SYTL5: variants seen among roughly 807,000 people sequenced by gnomAD.
SYTL5 encodes synaptotagmin like 5, also known as synaptotagmin-like protein 5.
SYTL5 carries 34 observed loss-of-function variants against 55.9 expected under a neutral mutation model. The ratio of observed to expected loss-of-function variants is 0.61; its 90% CI spans 0.46 to 0.81. The LOEUF (loss-of-function observed/expected upper bound fraction) is 0.81, where lower values mean the gene tolerates loss of function less well. Among genes scored for constraint, SYTL5 ranks in the 30% least tolerant of loss-of-function variants. SYTL5 has a pLI of 0.00. For missense variants in SYTL5, 637 were observed against 546.7 expected (o/e 1.17, Z -1.65); for synonymous variants, 221 against 188.7 (o/e 1.17, Z -1.40).
At chrX:37,934,272 T>C in the SYTL5 span, among the ~76,000 whole-genome samples, 6 of 110,294 alleles carry the variant, frequency 5.4e-5, no homozygotes, top group Non-Finnish European at 1.1e-4. Flanking sequence ...AGCTATTTTA[T>C]AAAGAGCTGA....
Position 38,110,374 on chromosome X carries a change from G to A in SYTL5, c.1488G>A (p.Trp496Ter). The change falls in exon 13 of 17, where the codon TGG becomes TGA. Residue 496 changes from tryptophan (W) to a stop codon, truncating the protein, a stop_gained. Transcript: ENST00000297875. LOFTEE classifies it high-confidence loss of function. The part of the protein sequence containing the change: ...LETRTLQLSV[W>*]HYDRFGRNSF... ...CAAGAACTCTGCAGCTCTCAGTCTG[G>A]CACTATGATCGATTTGGACGTAATA... 8.3e-7 allele frequency: 1 copy of A among 1,208,654 alleles called. No individual in the cohort carries two copies. Among genetic ancestry groups the A allele is most frequent in the East Asian group, 3.0e-5 (1 of 33,770 alleles).
chrX:38,021,161 G>A (rs147402980), intron 1 of SYTL5, among the ~76,000 whole-genome samples: 1,123 of 111,634 alleles, frequency 0.01, 22 homozygotes, highest in Admixed American at 0.072. Flanking sequence ...GAATGTATAT[G>A]TATATTTTTG....
chrX:37,923,901 G>T, the SYTL5 span, among the ~76,000 whole-genome samples: 1 of 111,359 alleles, frequency 9.0e-6, no homozygotes, highest in African/African-American at 3.3e-5. Flanking sequence ...GTTATTTGAG[G>T]AAAGACTTAA....
At chrX:37,893,246 A>G in the SYTL5 span, among the ~76,000 whole-genome samples, 2 of 80,162 alleles carry the variant, frequency 2.5e-5, no homozygotes, top group African/African-American at 7.4e-5. Context: ...TATACTATAT[A>G]TGTATATATA....
chrX:37,926,324 T>G, the SYTL5 span, among the ~76,000 whole-genome samples: 77 of 111,319 alleles, frequency 6.9e-4, no homozygotes, highest in Non-Finnish European at 1.0e-3. Flanking sequence ...AATACGATTG[T>G]TTTTTGATAT....
the SYTL5 span, among the ~76,000 whole-genome samples, chrX:37,897,971 A>G: frequency 9.0e-6 from 1 of 111,347 alleles, no homozygotes; most frequent in Non-Finnish European, 1.9e-5. Context: ...GGAGGTGGGT[A>G]CCCGTAATCT....
At chrX:38,043,228 T>C (rs886717754) in intron 2 of SYTL5, among the ~76,000 whole-genome samples, 8 of 111,141 alleles carry the variant, frequency 7.2e-5, no homozygotes, top group African/African-American at 2.6e-4. Context: ...ATTTAATATC[T>C]TCTGATACAT....
chrX:37,996,680 G>A, the SYTL5 span, among the ~76,000 whole-genome samples: 2 of 112,249 alleles, frequency 1.8e-5, no homozygotes, highest in Admixed American at 1.9e-4. Flanking sequence ...TTTACCGCAA[G>A]GCCTGGTTAT....
intron 3 of SYTL5, among the ~76,000 whole-genome samples, chrX:38,066,319 A>G (rs1387104183): frequency 9.0e-6 from 1 of 111,582 alleles, no homozygotes; most frequent in Non-Finnish European, 1.9e-5. Flanking sequence ...AAAACTATAG[A>G]TAATTTAATT....
At chrX:38,017,829 T>C (rs1468615040) in intron 1 of SYTL5, among the ~76,000 whole-genome samples, 1 of 109,511 alleles carries the variant, frequency 9.1e-6, no homozygotes, top group Non-Finnish European at 1.9e-5. Flanking sequence ...ACATAAGTGA[T>C]TTACTTCTTC....
the SYTL5 span, among the ~76,000 whole-genome samples, chrX:37,929,808 T>A: frequency 8.9e-6 from 1 of 112,271 alleles, no homozygotes; most frequent in East Asian, 2.8e-4. Context: ...TAGATGACTT[T>A]AGGGTTATGA....
At chrX:37,928,105 C>T in the SYTL5 span, among the ~76,000 whole-genome samples, 3 of 112,238 alleles carry the variant, frequency 2.7e-5, no homozygotes, top group African/African-American at 9.7e-5. Flanking sequence ...GAAGGCATTA[C>T]ATATATACCT....
chrX:37,908,051 A>C, the SYTL5 span, among the ~76,000 whole-genome samples: 3 of 109,103 alleles, frequency 2.7e-5, no homozygotes, highest in East Asian at 8.6e-4. Context: ...CAGGATTTTA[A>C]AGCTGCAGTG....
At chrX:37,943,603 C>T in the SYTL5 span, among the ~76,000 whole-genome samples, 4 of 111,339 alleles carry the variant, frequency 3.6e-5, no homozygotes, top group Non-Finnish European at 7.5e-5. Context: ...TTTGATTATA[C>T]AAAGTGTGGG....
At chrX:38,064,516 A>C (rs1314229337) in intron 3 of SYTL5, among the ~76,000 whole-genome samples, 1 of 111,191 alleles carries the variant, frequency 9.0e-6, no homozygotes, top group Non-Finnish European at 1.9e-5. Context: ...TGTATTGCAC[A>C]ATTTTATTTT....
At chrX:38,025,621 A>C (rs1934740689) in intron 1 of SYTL5, among the ~76,000 whole-genome samples, 1 of 112,467 alleles carries the variant, frequency 8.9e-6, no homozygotes, top group African/African-American at 3.2e-5. Flanking sequence ...ATTTAAAGAG[A>C]GAGATCTGTT....
intron 1 of SYTL5, among the ~76,000 whole-genome samples, chrX:38,023,561 A>G (rs1934639398): frequency 9.0e-6 from 1 of 111,672 alleles, no homozygotes; most frequent in Non-Finnish European, 1.9e-5. Context: ...TTTTAAAAGC[A>G]TTTGCATTAA....
chrX:38,102,575 G>T lies in SYTL5; in HGVS notation c.1155+141G>T, dbSNP rs769363498. 1.3e-4 allele frequency: 60 copies of T among 459,288 alleles called. No individual in the cohort carries two copies. In the African/African-American group the frequency reaches 1.3e-3, roughly 10 times the overall value. 37.9% of individuals were successfully genotyped at this position (459,288 alleles called of 1,213,427 possible). On this transcript the variant is annotated intron_variant, in intron 10 of 16. Coordinates refer to ENST00000297875, the MANE Select transcript of SYTL5 (RefSeq NM_138780.3). Reference sequence around the variant, plus strand: ...CATTGTAAGATCCTGCTTGCCCTTTGCCCACAGAGTACATTTCAGTCTAAT... The same window carrying T: ...CATTGTAAGATCCTGCTTGCCCTTTTCCCACAGAGTACATTTCAGTCTAAT...
At chrX:37,938,455 C>T in the SYTL5 span, among the ~76,000 whole-genome samples, 3 of 112,305 alleles carry the variant, frequency 2.7e-5, no homozygotes, top group Admixed American at 2.8e-4. Flanking sequence ...TTTCTTTATA[C>T]TATATCTCCT....
Sources: allele counts gnomAD v4.1 joint callset (sites outside exome capture counted in the v4.1 genomes callset), GRCh38; gene constraint gnomAD v4.1.1; transcripts MANE v1.5; gene names NCBI Gene and HGNC (gene_info 2026-07-23, HGNC 2026-07-21).